Variants in SGK1 observed in about 807,000 individuals in gnomAD.
SGK1 encodes serum/glucocorticoid regulated kinase 1, also known as serine/threonine-protein kinase Sgk1.
SGK1 carries 26 observed loss-of-function variants against 64.2 expected under a neutral mutation model. The observed-to-expected ratio is 0.40, with a 90% confidence interval of 0.30 to 0.56. The LOEUF is 0.56. Ranked by LOEUF, SGK1 falls within the 20% of genes least tolerant of loss-of-function variation. The pLI is 0.38. For missense variants in SGK1, 519 were observed against 645.6 expected (o/e 0.80, Z 2.12); for synonymous variants, 265 against 239.7 (o/e 1.11, Z -0.98).
chr6:134,263,581 G>A (rs962877568), intron 1 of SGK1, among the ~76,000 whole-genome samples: 35 of 152,242 alleles, frequency 2.3e-4, no homozygotes, highest in African/African-American at 7.9e-4. Context: ...TTCTGGCTAA[G>A]AAATTAGCTC....
intron 2 of SGK1, among the ~76,000 whole-genome samples, chr6:134,209,984 C>T (rs796958288): frequency 3.3e-5 from 5 of 152,174 alleles, no homozygotes; most frequent in African/African-American, 1.2e-4. Context: ...GCCTGTGAAG[C>T]TCTATTGACG....
intron 2 of SGK1, among the ~76,000 whole-genome samples, chr6:134,235,541 TTTTATTTA>T (rs368701386): frequency 3.6e-4 from 33 of 92,122 alleles, no homozygotes; most frequent in Non-Finnish European, 6.5e-4. Context: ...AAATAGATAT[TTTTATTTA>T]TTTATTTATT....
intron 2 of SGK1, among the ~76,000 whole-genome samples, chr6:134,239,179 C>A (rs1281672803): frequency 6.6e-6 from 1 of 152,200 alleles, no homozygotes; most frequent in Non-Finnish European, 1.5e-5. Flanking sequence ...GGACAGCCAT[C>A]TGGTGCAAAG....
intron 3 of SGK1, among the ~76,000 whole-genome samples, chr6:134,183,967 ATT>A (rs1321377538): frequency 6.6e-6 from 1 of 150,976 alleles, no homozygotes; most frequent in Non-Finnish European, 1.5e-5. Context: ...AGGCAGCACA[ATT>A]TGTGTCTCTC....
chr6:134,229,182 T>C (rs1261128302), intron 2 of SGK1, among the ~76,000 whole-genome samples: 1 of 152,258 alleles, frequency 6.6e-6, no homozygotes, highest in Admixed American at 6.5e-5. Flanking sequence ...AGAAGAGAGA[T>C]ACTAGGGAGG....
chr6:134,183,347 A>G (rs1775361284), intron 3 of SGK1, among the ~76,000 whole-genome samples: 1 of 152,242 alleles, frequency 6.6e-6, no homozygotes, highest in African/African-American at 2.4e-5. Context: ...GCAATATACA[A>G]TAACTTATTG....
chr6:134,218,272 C>T (rs1279715090), intron 2 of SGK1, among the ~76,000 whole-genome samples: 3 of 152,100 alleles, frequency 2.0e-5, no homozygotes, highest in Non-Finnish European at 4.4e-5. Flanking sequence ...TTTCTTAAAA[C>T]TCAAATTTAT....
At chr6:134,270,908 C>T (rs555292585) in intron 1 of SGK1, among the ~76,000 whole-genome samples, 1 of 146,238 alleles carries the variant, frequency 6.8e-6, no homozygotes, top group Non-Finnish European at 1.5e-5. Context: ...TCCACCCCAC[C>T]CTGTCCCACC....
chr6:134,283,500 AC>A (rs1339736766), intron 1 of SGK1, among the ~76,000 whole-genome samples: 27 of 151,802 alleles, frequency 1.8e-4, no homozygotes, highest in African/African-American at 6.0e-4. Flanking sequence ...TAAAAAAAAA[AC>A]AAACATAAAT....
chr6:134,297,179 G>T, intron 1 of SGK1: 1 of 708,484 alleles, frequency 1.4e-6, no homozygotes, highest in Non-Finnish European at 2.5e-6. Flanking sequence ...AGCCGCTGGT[G>T]GTCTTCGTAT....
At position 134,208,746 on chromosome 6, in the gene SGK1, G is replaced by GTA. The variant is rs1554220934; in HGVS notation, c.286-1317_286-1316dup. On this transcript the variant is annotated intron_variant, in intron 2 of 13. Coordinates refer to ENST00000367858, the MANE Select transcript of SGK1 (RefSeq NM_001143676.3). ...TGGCTGGGTAGTATTCCATGTATGC[G>GTA]TATATATATATATACACATATATAT... is the stretch of plus-strand genomic sequence containing the variant. Among the ~76,000 whole-genome samples, 17 of 36,454 alleles carry GTA rather than the reference G, an allele frequency of 4.7e-4. No individual in the cohort carries two copies. The East Asian group carries it at 0.01, about 22-fold the overall frequency. 23.9% of individuals were successfully genotyped at this position (36,454 alleles called of 152,430 possible).
chr6:134,174,405 A>G, intron 4 of SGK1, 106 bp downstream of exon 4: 1 of 742,512 alleles, frequency 1.3e-6, no homozygotes, highest in Non-Finnish European at 2.3e-6. Context: ...TGAGATCCCC[A>G]CCCCAGAAGA....
intron 1 of SGK1, among the ~76,000 whole-genome samples, chr6:134,290,296 C>T (rs895789002): frequency 9.3e-5 from 14 of 150,926 alleles, no homozygotes; most frequent in Admixed American, 4.0e-4. Context: ...TACACTCCAG[C>T]CTGAGTGACA....
intron 1 of SGK1, among the ~76,000 whole-genome samples, chr6:134,311,944 T>C (rs887980623): frequency 6.6e-6 from 1 of 152,202 alleles, no homozygotes; most frequent in Non-Finnish European, 1.5e-5. Flanking sequence ...AGAATCTACC[T>C]CTTCATAGCT....
intron 3 of SGK1, among the ~76,000 whole-genome samples, chr6:134,188,789 G>A (rs145653883): frequency 0.018 from 2,752 of 151,916 alleles, 83 homozygotes; most frequent in African/African-American, 0.062. Context: ...CTGGAGTGCA[G>A]TGGTGTGATC....
intron 3 of SGK1, among the ~76,000 whole-genome samples, chr6:134,184,504 C>CAAAAA (rs1162404618): frequency 6.3e-5 from 4 of 63,564 alleles, no homozygotes; most frequent in South Asian, 6.4e-4. Context: ...GACTCCATCT[C>CAAAAA]AAAAAAAAAA....
intron 1 of SGK1, among the ~76,000 whole-genome samples, chr6:134,293,852 A>G (rs1466489779): frequency 6.6e-6 from 1 of 152,212 alleles, no homozygotes; most frequent in Non-Finnish European, 1.5e-5. Flanking sequence ...AGACAAATGG[A>G]AAGATAAATG....
chr6:134,235,539 ATTTTTATTTATTTATTTATT>A lies in SGK1; in HGVS notation c.285+26374_285+26393del, dbSNP rs1233011127. Reference sequence around the variant, plus strand: ...CAAGGAGGAAGTGGAAAAAATAGATATTTTTATTTATTTATTTATTTATTTATTTATTTATTTATTTATTT... The same window carrying A: ...CAAGGAGGAAGTGGAAAAAATAGATATATTTATTTATTTATTTATTTATTT... On this transcript the variant is annotated intron_variant, in intron 2 of 13. Coordinates refer to ENST00000367858, the MANE Select transcript of SGK1 (RefSeq NM_001143676.3). 8.7e-3 allele frequency among the ~76,000 whole-genome samples: 1,147 copies of A among 131,820 alleles called. 15 individuals are homozygous for A. Among genetic ancestry groups the A allele is most frequent in the African/African-American group, 0.035 (1,100 of 31,234 alleles). The allele number at this position is 131,820 out of a possible 152,430, so 86.5% of individuals were successfully genotyped here. A position where few individuals can be genotyped will look rare whatever the true frequency, so the allele number is the denominator to read the frequency against.
At position 134,290,166 on chromosome 6, in the gene SGK1, A is replaced by G. The variant is rs1459665673; in HGVS notation, c.69+27226T>C. ...GCTCCTTCTCAAAAAAAAAAAAAAA[A>G]AAAAAAAATTAGCTATGCATGTTGG... On this transcript the variant is annotated intron_variant, in intron 1 of 13. Transcript: ENST00000367858. Among the ~76,000 whole-genome samples the G allele has an allele frequency of 6.0e-5, 9 of 151,004 alleles. No individual in the cohort carries two copies. The Admixed American group carries it at 6.0e-4, about 10-fold the overall frequency.
Sources: gnomAD v4.1 joint callset for allele counts (sites outside exome capture counted in the v4.1 genomes callset) on GRCh38, gnomAD v4.1.1 for gene constraint, MANE v1.5 for transcripts, NCBI Gene and HGNC (gene_info 2026-07-23, HGNC 2026-07-21) for gene names.